CALU: variants seen among roughly 807,000 people sequenced by gnomAD.
The protein encoded by CALU is IEF SSP 9302.
A neutral mutation model predicts 37.5 loss-of-function variants in CALU; 13 were observed. That is an observed-to-expected ratio of 0.35 (90% CI 0.23 to 0.55). CALU has a LOEUF of 0.55. CALU is among the 20% of genes least tolerant of loss of function. CALU has a pLI of 0.89. For synonymous variants in CALU, 114 were observed against 133.8 expected, an observed-to-expected ratio of 0.85 and a Z score of 1.02; for missense variants, 282 against 391.7, an observed-to-expected ratio of 0.72 and a Z score of 2.36.
chr7:128,749,225 G>T (rs1800565416), intron 2 of CALU, among the ~76,000 whole-genome samples: 1 of 152,196 alleles, frequency 6.6e-6, no homozygotes, highest in African/African-American at 2.4e-5. Flanking sequence ...TCCCTATAAA[G>T]TTTATGATTT....
intron 1 of CALU, among the ~76,000 whole-genome samples, chr7:128,745,104 AGGGT>A (rs1800380517): frequency 6.6e-6 from 1 of 152,184 alleles, no homozygotes; most frequent in Non-Finnish European, 1.5e-5. Flanking sequence ...AAGAATTGTT[AGGGT>A]ATTATGCTAT....
Position 128,741,600 on chromosome 7 carries a change from C to G in CALU, c.-12+2168C>G, listed in dbSNP as rs138033783. ...GAAAAAGATAACAGATCACTTCCAG[C>G]TAGAGTGATCATAGTAGGTAGGTCT... is the stretch of plus-strand genomic sequence containing the variant. On this transcript the variant is annotated intron_variant, in intron 1 of 6. Transcript: ENST00000249364. 1.2e-4 allele frequency among the ~76,000 whole-genome samples: 18 copies of G among 152,284 alleles called. No homozygotes were observed. In the East Asian group the frequency reaches 3.3e-3, roughly 28 times the overall value.
At chr7:128,743,683 G>A (rs1800323964) in intron 1 of CALU, among the ~76,000 whole-genome samples, 1 of 151,992 alleles carries the variant, frequency 6.6e-6, no homozygotes, top group Admixed American at 6.6e-5. Flanking sequence ...ACCACACCCA[G>A]CTAATTTTTT....
At chr7:128,742,231 G>T (rs4509261) in intron 1 of CALU, among the ~76,000 whole-genome samples, 45,312 of 152,030 alleles carry the variant, frequency 0.3, 7,961 homozygotes, top group Non-Finnish European at 0.41. Flanking sequence ...CTTCATTTTC[G>T]AGATCTCATA....
At chr7:128,763,759 G>A (rs528393579) in intron 5 of CALU, among the ~76,000 whole-genome samples, 138 of 152,272 alleles carry the variant, frequency 9.1e-4, no homozygotes, top group Middle Eastern at 3.4e-3. Context: ...CCAGTGGACC[G>A]TACAAACTAC....
At chr7:128,742,637 A>G (rs1325509065) in intron 1 of CALU, among the ~76,000 whole-genome samples, 1 of 152,208 alleles carries the variant, frequency 6.6e-6, no homozygotes, top group East Asian at 1.9e-4. Context: ...AAGGACAAAA[A>G]CTTCCTTGAA....
At chr7:128,740,186 A>C (rs1027007673) in intron 1 of CALU, among the ~76,000 whole-genome samples, 6 of 152,204 alleles carry the variant, frequency 3.9e-5, no homozygotes, top group African/African-American at 1.4e-4. Context: ...TTAAGCGTAG[A>C]GTGGCTTGCA....
At position 128,770,721 on chromosome 7, in the gene CALU, T is replaced by C. The variant is rs1159563558; in HGVS notation, c.*1554T>C. 6.5e-6 allele frequency: 1 copy of C among 152,698 alleles called. No individual in the cohort carries two copies. The highest frequency in any genetic ancestry group is 1.5e-5 in the Non-Finnish European group (1 of 68,052). The allele number at this position is 152,698 out of a possible 1,614,324, so 9.5% of individuals were successfully genotyped here. A position where few individuals can be genotyped will look rare whatever the true frequency, so the allele number is the denominator to read the frequency against. On this transcript the variant is annotated 3_prime_UTR_variant, in exon 7 of 7. Transcript: ENST00000249364. ...TTTATGCAACACAAACACTGTCCTT[T>C]TGGGTCCCTTTCTTACAGATGGACC... is the stretch of plus-strand genomic sequence containing the variant.
intron 4 of CALU, 78 bp downstream of exon 4, chr7:128,759,115 A>G: frequency 9.5e-7 from 1 of 1,054,264 alleles, no homozygotes; most frequent in Non-Finnish European, 1.4e-6. Flanking sequence ...CTTTAGCCTT[A>G]TATAGCATAT....
At chr7:128,766,629 A>G (rs1801346697) in intron 5 of CALU, among the ~76,000 whole-genome samples, 1 of 151,754 alleles carries the variant, frequency 6.6e-6, no homozygotes, top group Non-Finnish European at 1.5e-5. Flanking sequence ...GGGTTTTGCC[A>G]TTTTGGCCAG....
Position 128,754,426 on chromosome 7 carries a change from A to G in CALU, c.386A>G (p.Tyr129Cys). ...GACGGCCTCGTTTCCTGGGAGGAGTATAAAAATGCCACCTACGGCTACGTT... is the reference window on the plus strand; with the variant it reads ...GACGGCCTCGTTTCCTGGGAGGAGTGTAAAAATGCCACCTACGGCTACGTT... The part of the protein sequence containing the change: ...NEDGLVSWEE[Y>C]KNATYGYVLD... Residue 129 changes from tyrosine to cysteine, a missense_variant, in exon 3 of 7, where the codon TAT becomes TGT. Coordinates refer to ENST00000249364, the MANE Select transcript of CALU (RefSeq NM_001219.5). The G allele has an allele frequency of 6.2e-7, 1 of 1,613,812 alleles. No homozygotes were observed. Among genetic ancestry groups the G allele is most frequent in the Non-Finnish European group, 8.5e-7 (1 of 1,179,894 alleles).
At chr7:128,762,489 A>G (rs1298120768) in intron 5 of CALU, among the ~76,000 whole-genome samples, 1 of 151,532 alleles carries the variant, frequency 6.6e-6, no homozygotes, top group Non-Finnish European at 1.5e-5. Context: ...GCCCTGTTGA[A>G]GGAGATCATG....
At chr7:128,767,380 G>C in intron 5 of CALU, 76 bp from the exon 6 acceptor site, 2 of 1,122,316 alleles carry the variant, frequency 1.8e-6, no homozygotes. Flanking sequence ...GAGGAAAAAG[G>C]GTTAGGCCAG....
At chr7:128,755,544 A>G (rs1800849775) in intron 3 of CALU, among the ~76,000 whole-genome samples, 1 of 152,162 alleles carries the variant, frequency 6.6e-6, no homozygotes, top group African/African-American at 2.4e-5. Flanking sequence ...AAAATTTCCC[A>G]TTTGTTTTCT....
intron 5 of CALU, among the ~76,000 whole-genome samples, chr7:128,762,029 G>A (rs7786028): frequency 0.01 from 1,388 of 136,626 alleles, 23 homozygotes; most frequent in African/African-American, 0.036. Flanking sequence ...TAGGATGGAT[G>A]TTTTCCTAAA....
chr7:128,743,558 C>T (rs1800319162), intron 1 of CALU, among the ~76,000 whole-genome samples: 1 of 151,386 alleles, frequency 6.6e-6, no homozygotes, highest in South Asian at 2.1e-4. Context: ...GTCTTGTTCC[C>T]TCACCAAGGC....
intron 3 of CALU, 59 bp downstream of exon 3, chr7:128,754,514 T>C: frequency 6.3e-7 from 1 of 1,587,124 alleles, no homozygotes; most frequent in Non-Finnish European, 8.6e-7. Flanking sequence ...GAAACGTAAC[T>C]GTTTTGTCTT....
intron 1 of CALU, chr7:128,748,073 A>T (rs186001407): frequency 1.0e-4 from 29 of 286,312 alleles, no homozygotes; most frequent in African/African-American, 5.5e-4. Flanking sequence ...CACCTGAAAA[A>T]CATTTAAAGC....
chr7:128,769,506 TTACTC>T lies in CALU; in HGVS notation c.*341_*345del, dbSNP rs1801476674. 1 of 163,594 alleles carries T rather than the reference TTACTC, an allele frequency of 6.1e-6. No homozygotes were observed. The highest frequency in any genetic ancestry group is 2.4e-5 in the African/African-American group (1 of 41,832). 10.1% of individuals were successfully genotyped at this position (163,594 alleles called of 1,614,324 possible). Reference sequence around the variant, plus strand: ...ACACATGTAGACAAACATTAGCTCTTTACTCTTTCTCAACCCCTTTTATGATTTTA... The same window carrying T: ...ACACATGTAGACAAACATTAGCTCTTTTTCTCAACCCCTTTTATGATTTTA... On this transcript the variant is annotated 3_prime_UTR_variant, in exon 7 of 7. Coordinates refer to ENST00000249364, the MANE Select transcript of CALU (RefSeq NM_001219.5).
Sources: allele counts gnomAD v4.1 joint callset (sites outside exome capture counted in the v4.1 genomes callset), GRCh38; gene constraint gnomAD v4.1.1; transcripts MANE v1.5; gene names NCBI Gene and HGNC (gene_info 2026-07-23, HGNC 2026-07-21).